GLIS3: variants seen among roughly 807,000 people sequenced by gnomAD.
The protein encoded by GLIS3 is zinc finger protein GLIS3.
Under a neutral mutation model 78.6 loss-of-function variants are expected in GLIS3, and 53 were observed. That is an observed-to-expected ratio of 0.67 (90% CI 0.54 to 0.85). The LOEUF is 0.85. Ranked by LOEUF, GLIS3 falls within the 40% of genes least tolerant of loss-of-function variation. The pLI is 0.00. For missense variants in GLIS3, 1,703 were observed against 1,231.1 expected (o/e 1.38, Z -5.74); for synonymous variants, 684 against 509.9 (o/e 1.34, Z -4.60).
chr9:3,831,096 A>G (rs1266100846), intron 9 of GLIS3, among the ~76,000 whole-genome samples: 5 of 152,242 alleles, frequency 3.3e-5, no homozygotes, highest in African/African-American at 7.2e-5. Flanking sequence ...GTAGAAAACA[A>G]AATAATATCC....
At chr9:4,091,041 G>T (rs1433720120) in intron 4 of GLIS3, among the ~76,000 whole-genome samples, 1 of 152,106 alleles carries the variant, frequency 6.6e-6, no homozygotes, top group Non-Finnish European at 1.5e-5. Flanking sequence ...TTAAGTTGTT[G>T]CAAGTAAAGT....
At chr9:4,390,582 T>C in the GLIS3 span, among the ~76,000 whole-genome samples, 5 of 152,306 alleles carry the variant, frequency 3.3e-5, no homozygotes, top group South Asian at 8.3e-4. Context: ...CTTATACCCA[T>C]GGGAGTGCCC....
At chr9:3,907,424 T>G (rs1355549628) in intron 6 of GLIS3, among the ~76,000 whole-genome samples, 1 of 152,188 alleles carries the variant, frequency 6.6e-6, no homozygotes, top group Non-Finnish European at 1.5e-5. Flanking sequence ...TAATTTACTT[T>G]CCTAATGGAG....
At chr9:3,937,221 G>A (rs2130795555) in intron 4 of GLIS3, 32 bp from the exon 5 acceptor site, 6 of 1,612,986 alleles carry the variant, frequency 3.7e-6, no homozygotes, top group Non-Finnish European at 5.1e-6. Context: ...TGGTGGTTGA[G>A]AAGGACCTTG....
chr9:4,100,360 T>C (rs572534924), intron 4 of GLIS3, among the ~76,000 whole-genome samples: 7 of 152,140 alleles, frequency 4.6e-5, no homozygotes, highest in Non-Finnish European at 8.8e-5. Context: ...TCTGGAAACA[T>C]GAGAGAGAGT....
At chr9:4,055,454 C>A (rs138810250) in intron 4 of GLIS3, among the ~76,000 whole-genome samples, 2 of 152,260 alleles carry the variant, frequency 1.3e-5, no homozygotes, top group African/African-American at 4.8e-5. Context: ...CATGGGAGTT[C>A]CAAGATGATC....
the GLIS3 span, among the ~76,000 whole-genome samples, chr9:4,378,314 A>G: frequency 0.21 from 32,052 of 152,112 alleles, 3,804 homozygotes; most frequent in African/African-American, 0.32. Context: ...CTTTTTTAGT[A>G]TAAGTATATC....
intron 8 of GLIS3, among the ~76,000 whole-genome samples, chr9:3,875,924 T>C (rs1388813389): frequency 6.6e-6 from 1 of 152,176 alleles, no homozygotes; most frequent in Non-Finnish European, 1.5e-5. Flanking sequence ...TATGATCATT[T>C]AACAACATCC....
At chr9:4,164,156 T>G (rs921959186) in intron 2 of GLIS3, among the ~76,000 whole-genome samples, 4 of 152,234 alleles carry the variant, frequency 2.6e-5, no homozygotes, top group Non-Finnish European at 4.4e-5. Context: ...GTGGGTCATT[T>G]AGTGTCCTTA....
intron 8 of GLIS3, among the ~76,000 whole-genome samples, chr9:3,872,642 C>A (rs890689825): frequency 1.3e-5 from 2 of 152,104 alleles, no homozygotes; most frequent in Admixed American, 6.5e-5. Flanking sequence ...GAAACCATCC[C>A]GATGATTCAA....
At chr9:4,341,091 C>T (rs1817827875) in intron 2 of GLIS3, among the ~76,000 whole-genome samples, 1 of 152,218 alleles carries the variant, frequency 6.6e-6, no homozygotes, top group Admixed American at 6.5e-5. Flanking sequence ...GTTATCTCTT[C>T]TGGTCCAATG....
the GLIS3 span, among the ~76,000 whole-genome samples, chr9:4,386,238 C>T: frequency 2.6e-5 from 4 of 152,134 alleles, no homozygotes; most frequent in African/African-American, 9.7e-5. Flanking sequence ...AGCTATATTA[C>T]AGTTATCTCA....
At chr9:3,996,533 A>C (rs1368162717) in intron 4 of GLIS3, among the ~76,000 whole-genome samples, 3 of 152,220 alleles carry the variant, frequency 2.0e-5, no homozygotes, top group Admixed American at 6.5e-5. Flanking sequence ...GAAATGTCAA[A>C]ACTTGTAGGA....
At chr9:4,415,871 G>C in the GLIS3 span, among the ~76,000 whole-genome samples, 1 of 151,632 alleles carries the variant, frequency 6.6e-6, no homozygotes, top group Non-Finnish European at 1.5e-5. Flanking sequence ...CAGTTCAGAA[G>C]GGTATAAAAT....
intron 6 of GLIS3, among the ~76,000 whole-genome samples, chr9:3,910,180 C>A (rs113414841): frequency 0.025 from 3,734 of 152,198 alleles, 130 homozygotes; most frequent in African/African-American, 0.08. Flanking sequence ...CTCTCCTAGA[C>A]CACACAGAAT....
At chr9:4,333,776 C>T (rs1427358719) in intron 2 of GLIS3, among the ~76,000 whole-genome samples, 1 of 133,850 alleles carries the variant, frequency 7.5e-6, no homozygotes, top group Non-Finnish European at 1.5e-5. Flanking sequence ...TTTGATTCCC[C>T]TCACTTCCAG....
chr9:4,210,723 G>A (rs779586873), intron 2 of GLIS3, among the ~76,000 whole-genome samples: 5 of 152,220 alleles, frequency 3.3e-5, no homozygotes, highest in Admixed American at 2.0e-4. Context: ...AGGAAGCAGG[G>A]TACCTGCAGG....
intron 4 of GLIS3, among the ~76,000 whole-genome samples, chr9:4,107,122 A>C (rs1270553677): frequency 6.6e-6 from 1 of 152,206 alleles, no homozygotes; most frequent in African/African-American, 2.4e-5. Flanking sequence ...CTCTTTGATG[A>C]GACCAGGTCG....
chr9:4,484,666 C>G, the GLIS3 span, among the ~76,000 whole-genome samples: 244 of 152,248 alleles, frequency 1.6e-3, no homozygotes, highest in Non-Finnish European at 2.2e-3. Context: ...ATCCACCCAC[C>G]TTGGCCTCCC....
Sources: gnomAD v4.1 joint callset for allele counts (sites outside exome capture counted in the v4.1 genomes callset) on GRCh38, gnomAD v4.1.1 for gene constraint, MANE v1.5 for transcripts, NCBI Gene and HGNC (gene_info 2026-07-23, HGNC 2026-07-21) for gene names.